TOPAZ1: variants seen among roughly 807,000 people sequenced by gnomAD.
TOPAZ1 encodes protein TOPAZ1.
TOPAZ1 carries 66 observed loss-of-function variants against 172.2 expected under a neutral mutation model. The observed-to-expected ratio is 0.38, with a 90% CI of 0.31 to 0.47. The LOEUF (loss-of-function observed/expected upper bound fraction) is 0.47, where lower values mean the gene tolerates loss of function less well. Ranked by LOEUF, TOPAZ1 falls within the 20% of genes least tolerant of loss-of-function variation. TOPAZ1 has a pLI of 0.99. For synonymous variants in TOPAZ1, 681 were observed against 683.9 expected (o/e 1.00, Z 0.07); for missense variants, 1,822 against 1,972.4 (o/e 0.92, Z 1.44).
intron 12 of TOPAZ1, among the ~76,000 whole-genome samples, chr3:44,294,740 A>G (rs1700175507): frequency 6.6e-6 from 1 of 152,204 alleles, no homozygotes; most frequent in Non-Finnish European, 1.5e-5. Context: ...TCCTGGGCTC[A>G]AGTGATCTGC....
chr3:44,306,288 CT>C (rs1559544423), intron 14 of TOPAZ1, 37 bp from the exon 15 acceptor site: 1 of 1,310,572 alleles, frequency 7.6e-7, no homozygotes, highest in East Asian at 2.5e-5. Flanking sequence ...TTTTAAGTGA[CT>C]ATTTTATTTT....
chr3:44,292,794 C>G (rs1156785077), intron 12 of TOPAZ1, among the ~76,000 whole-genome samples: 1 of 152,186 alleles, frequency 6.6e-6, no homozygotes, highest in Non-Finnish European at 1.5e-5. Flanking sequence ...GTATTAGGGA[C>G]ATTCCAGAGC....
rs143881865 is a variant in TOPAZ1, at chr3:44,270,769, C to T, written c.3331C>T (p.Leu1111=). Residue 1111 remains leucine, a synonymous_variant, in exon 8 of 20, where the codon CTG becomes TTG. Coordinates refer to ENST00000309765, the MANE Select transcript of TOPAZ1 (RefSeq NM_001145030.2). ...FNTLRGCERP[L]CKFAHVPEQG... is the part of the protein sequence containing the mutation. The stretch of plus-strand genomic sequence containing the variant: ...TACATTACGTGGCTGTGAGCGACCA[C>T]TGTGCAAGTTTGCTCATGTGCCTGA... 1,043 of 1,550,892 alleles carry T rather than the reference C, an allele frequency of 6.7e-4. 10 individuals carry two copies. In the African/African-American group the frequency reaches 0.013, roughly 19 times the overall value.
chr3:44,256,269 G>A lies in TOPAZ1; in HGVS notation c.2946G>A (p.Leu982=), dbSNP rs1325566507. ...DFSEQIKGSD[L]DEKHRFTDKV... ...GTGAACAAATAAAAGGTTCAGACTT[G>A]GATGAAAAGGTACTAGGGGATCTTT... Residue 982 remains leucine, a synonymous_variant, in exon 4 of 20, where the codon TTG becomes TTA. Transcript: ENST00000309765. 1.3e-6 allele frequency: 2 copies of A among 1,518,008 alleles called. No individual in the cohort carries two copies. The highest frequency in any genetic ancestry group is 4.9e-5 in the Admixed American group (2 of 40,596). 94.0% of individuals were successfully genotyped at this position (1,518,008 alleles called of 1,614,324 possible). A position where few individuals can be genotyped will look rare whatever the true frequency, so the allele number is the denominator to read the frequency against.
intron 4 of TOPAZ1, among the ~76,000 whole-genome samples, chr3:44,259,381 A>G (rs1175252619): frequency 6.6e-6 from 1 of 152,132 alleles, no homozygotes; most frequent in South Asian, 2.1e-4. Context: ...AAGTACACCC[A>G]TTGTGAATTC....
At chr3:44,290,212 G>C (rs1045362058) in intron 11 of TOPAZ1, among the ~76,000 whole-genome samples, 6 of 152,198 alleles carry the variant, frequency 3.9e-5, no homozygotes, top group African/African-American at 1.2e-4. Flanking sequence ...TCTCACACTA[G>C]AAGTGTCCAG....
At chr3:44,292,453 G>A (rs1416594672) in intron 12 of TOPAZ1, among the ~76,000 whole-genome samples, 1 of 152,158 alleles carries the variant, frequency 6.6e-6, no homozygotes, top group African/African-American at 2.4e-5. Flanking sequence ...AGCTATGGCA[G>A]AGAGCTCACA....
chr3:44,301,027 G>C (rs936438831), intron 12 of TOPAZ1, among the ~76,000 whole-genome samples: 17 of 152,112 alleles, frequency 1.1e-4, no homozygotes, highest in Non-Finnish European at 1.6e-4. Context: ...ATCTCAAAAG[G>C]CTACATGCTA....
chr3:44,310,671 A>T (rs554484754), intron 16 of TOPAZ1, among the ~76,000 whole-genome samples: 1 of 152,216 alleles, frequency 6.6e-6, no homozygotes, highest in African/African-American at 2.4e-5. Flanking sequence ...CCAAAATGAC[A>T]TAATAAGTAA....
At chr3:44,253,860 C>T (rs761379065) in intron 2 of TOPAZ1, among the ~76,000 whole-genome samples, 1 of 152,176 alleles carries the variant, frequency 6.6e-6, no homozygotes, top group East Asian at 1.9e-4. Flanking sequence ...CAGGAGCAGT[C>T]GCAGTGCTGA....
At chr3:44,296,978 CCTGA>C (rs1440703400) in intron 12 of TOPAZ1, among the ~76,000 whole-genome samples, 4 of 151,152 alleles carry the variant, frequency 2.6e-5, no homozygotes, top group Admixed American at 2.6e-4. Flanking sequence ...TTAAGACCAA[CCTGA>C]CTAACATGGT....
chr3:44,307,527 T>C (rs1575730339), intron 15 of TOPAZ1, among the ~76,000 whole-genome samples: 3 of 152,042 alleles, frequency 2.0e-5, no homozygotes, highest in African/African-American at 4.8e-5. Context: ...GGTGGAGTTA[T>C]AGACTCAAAA....
chr3:44,305,530 C>T (rs1222172081), intron 14 of TOPAZ1, among the ~76,000 whole-genome samples: 1 of 151,914 alleles, frequency 6.6e-6, no homozygotes, highest in Admixed American at 6.6e-5. Flanking sequence ...TCACTACACT[C>T]AGCTAATTTT....
intron 4 of TOPAZ1, among the ~76,000 whole-genome samples, chr3:44,259,140 T>C (rs543503536): frequency 6.6e-6 from 1 of 152,308 alleles, no homozygotes; most frequent in East Asian, 1.9e-4. Flanking sequence ...GGGCAAATTG[T>C]TGTCCTCCCC....
At chr3:44,318,304 T>G (rs959143071) in intron 16 of TOPAZ1, among the ~76,000 whole-genome samples, 2 of 151,938 alleles carry the variant, frequency 1.3e-5, no homozygotes, top group Non-Finnish European at 2.9e-5. Context: ...ATACAAAAAT[T>G]AGCTGGGCGT....
In TOPAZ1 at chr3:44,244,635, A is replaced by C. The variant is rs1353045940; in HGVS notation, c.2129A>C (p.Glu710Ala). 1 of 1,551,452 alleles carries C rather than the reference A, an allele frequency of 6.4e-7. No individual in the cohort carries two copies. Among genetic ancestry groups the C allele is most frequent in the East Asian group, 2.4e-5 (1 of 40,914 alleles). ...KEVNAKSSER[E>A]AYSPLELLDN... ...GTAAATGCCAAGTCATCAGAGAGAGAAGCTTACAGTCCTCTAGAACTTCTG... is the reference window on the plus strand; with the variant it reads ...GTAAATGCCAAGTCATCAGAGAGAGCAGCTTACAGTCCTCTAGAACTTCTG... The change falls in exon 2 of 20, where the codon GAA becomes GCA. Residue 710 changes from glutamate to alanine, a missense_variant. Physicochemically the swap from Glu to Ala is moderately radical, Grantham distance 107. Coordinates refer to ENST00000309765, the MANE Select transcript of TOPAZ1 (RefSeq NM_001145030.2).
rs1247134677 is a variant in TOPAZ1, at chr3:44,242,861, A to G, written c.355A>G (p.Lys119Glu). The G allele has an allele frequency of 6.7e-7, 1 of 1,500,720 alleles. No homozygotes were observed. The highest frequency in any genetic ancestry group is 2.5e-5 in the East Asian group (1 of 40,386). 93.0% of individuals were successfully genotyped at this position (1,500,720 alleles called of 1,614,324 possible). ...TTTGTTGTTTTGATCAGCCAAGGAA[A>G]AAAGAAAAGTTACTGAAGCCTCAAG... is the stretch of plus-strand genomic sequence containing the variant. ...PLQTERHTKE[K>E]RKVTEASSDD... The change falls in exon 2 of 20, where the codon AAA (lysine) becomes GAA (glutamate). Residue 119 changes from lysine (K) to glutamate (E), a missense_variant. Lys to Glu is a moderately conservative substitution (Grantham distance 56, BLOSUM62 1). Transcript: ENST00000309765.
intron 18 of TOPAZ1, among the ~76,000 whole-genome samples, chr3:44,327,916 T>G (rs944972802): frequency 5.9e-5 from 9 of 151,986 alleles, no homozygotes; most frequent in African/African-American, 2.2e-4. Flanking sequence ...AACTAATTTT[T>G]GTATTTTAGT....
chr3:44,311,435 C>T (rs1056182165), intron 16 of TOPAZ1, among the ~76,000 whole-genome samples: 5 of 152,134 alleles, frequency 3.3e-5, no homozygotes, highest in African/African-American at 9.7e-5. Context: ...GGTCACCTTA[C>T]GATAGGAACC....
Sources: gnomAD v4.1 joint callset for allele counts (sites outside exome capture counted in the v4.1 genomes callset) on GRCh38, gnomAD v4.1.1 for gene constraint, MANE v1.5 for transcripts, NCBI Gene and HGNC (gene_info 2026-07-23, HGNC 2026-07-21) for gene names.